Variants in CLIC6 observed in about 807,000 individuals in gnomAD.
CLIC6 encodes the protein chloride intracellular channel protein 6.
CLIC6 carries 39 observed loss-of-function variants against 49.2 expected under a neutral mutation model. The observed-to-expected ratio is 0.79, with a 90% CI of 0.61 to 1.04. CLIC6 has a LOEUF of 1.04. Ranked by LOEUF, CLIC6 falls within the 50% of genes least tolerant of loss-of-function variation. The probability of loss-of-function intolerance (pLI) is 0.00; values close to 1 mark genes in which losing one functional copy is unlikely to be tolerated. For synonymous variants in CLIC6, 446 were observed against 433.4 expected, an observed-to-expected ratio of 1.03 and a Z score of -0.36; for missense variants, 988 against 993.1, an observed-to-expected ratio of 0.99 and a Z score of 0.07.
At chr21:34,683,032 C>T (rs953816621) in intron 1 of CLIC6, among the ~76,000 whole-genome samples, 6 of 151,748 alleles carry the variant, frequency 4.0e-5, no homozygotes, top group African/African-American at 1.2e-4. Context: ...AAGATGGTCT[C>T]GATCTCCTGA....
At chr21:34,682,808 T>G (rs1008383268) in intron 1 of CLIC6, among the ~76,000 whole-genome samples, 16 of 125,164 alleles carry the variant, frequency 1.3e-4, no homozygotes, top group African/African-American at 5.3e-4. Context: ...TCCATTTTTT[T>G]TTTTTTTTTT....
chr21:34,675,962 T>C (rs1266872620), intron 1 of CLIC6, among the ~76,000 whole-genome samples: 1 of 152,228 alleles, frequency 6.6e-6, no homozygotes, highest in African/African-American at 2.4e-5. Flanking sequence ...TTGAAGCTCT[T>C]TCCTGCCATG....
At chr21:34,705,773 T>A (rs572609004) in intron 1 of CLIC6, among the ~76,000 whole-genome samples, 34 of 152,152 alleles carry the variant, frequency 2.2e-4, no homozygotes, top group African/African-American at 6.5e-4. Context: ...TATCAATGGA[T>A]CATCCAATTG....
chr21:34,670,332 C>T lies in CLIC6; in HGVS notation c.944C>T (p.Ala315Val). 6.9e-7 allele frequency: 1 copy of T among 1,448,764 alleles called. No homozygotes were observed. The highest frequency in any genetic ancestry group is 9.1e-7 in the Non-Finnish European group (1 of 1,102,210). The allele number at this position is 1,448,764 out of a possible 1,614,324, so 89.7% of individuals were successfully genotyped here. The change falls in exon 1 of 6, where the codon GCC becomes GTC. Residue 315 changes from alanine (A) to valine (V), a missense_variant. Around this residue, in one of 3 missense-constraint regions of CLIC6, gnomAD observed 647 missense variants for 596.9 expected, o/e 1.08. Transcript: ENST00000349499. ...SPQAEAIEVA[A>V]GESAGRSPGE... ...CAGGCCGAGGCAATTGAGGTCGCAG[C>T]CGGGGAGAGTGCGGGGCGCAGCCCC...
intron 2 of CLIC6, 48 bp downstream of exon 2, chr21:34,707,437 GCACACACACA>G (rs10657933): frequency 4.1e-4 from 300 of 736,396 alleles, no homozygotes; most frequent in Middle Eastern, 9.9e-4. Context: ...CTAGTTCTCT[GCACACACACA>G]CACACACACA....
At chr21:34,676,701 G>A (rs1989678099) in intron 1 of CLIC6, among the ~76,000 whole-genome samples, 1 of 152,184 alleles carries the variant, frequency 6.6e-6, no homozygotes, top group Non-Finnish European at 1.5e-5. Flanking sequence ...CTAAATAGTT[G>A]TTGATTTAAT....
intron 1 of CLIC6, among the ~76,000 whole-genome samples, chr21:34,678,988 C>A (rs1989725844): frequency 1.3e-5 from 2 of 152,146 alleles, no homozygotes; most frequent in Admixed American, 1.3e-4. Context: ...ACAAATTGTC[C>A]CAAGACCTAG....
rs1405752892 is a variant in CLIC6 at position 34,670,139 on chromosome 21, G to A, written c.751G>A (p.Glu251Lys). The change falls in exon 1 of 6, where the codon GAG becomes AAG. Residue 251 changes from glutamate to lysine, a missense_variant. Around this residue, in one of 3 missense-constraint regions of CLIC6, gnomAD observed 57 missense variants for 117.6 expected, o/e 0.48. Transcript: ENST00000349499. Reference sequence around the variant, plus strand: ...GGAGGGCCGGGTGGGGGACAGCGTAGAGGCGGGGGACCCGGCGGGGGACGG... The same window carrying A: ...GGAGGGCCGGGTGGGGGACAGCGTAAAGGCGGGGGACCCGGCGGGGGACGG... The part of the protein sequence containing the change: ...DAEGRVGDSV[E>K]AGDPAGDGVE... The A allele has an allele frequency of 2.9e-6, 4 of 1,389,604 alleles. No homozygotes were observed. The East Asian group carries it at 8.7e-5, about 30-fold the overall frequency. The allele number at this position is 1,389,604 out of a possible 1,614,324, so 86.1% of individuals were successfully genotyped here. A position where few individuals can be genotyped will look rare whatever the true frequency, so the allele number is the denominator to read the frequency against.
intron 1 of CLIC6, among the ~76,000 whole-genome samples, chr21:34,690,689 T>C (rs893383388): frequency 2.0e-5 from 3 of 152,134 alleles, no homozygotes; most frequent in Non-Finnish European, 4.4e-5. Context: ...TGAGCACAAC[T>C]GCCCCCTTTG....
intron 5 of CLIC6, among the ~76,000 whole-genome samples, chr21:34,711,139 C>G (rs777462152): frequency 2.0e-5 from 3 of 152,206 alleles, no homozygotes; most frequent in Non-Finnish European, 4.4e-5. Context: ...GGGCCAGAGC[C>G]AGGTGGTTGG....
Position 34,669,853 on chromosome 21 carries a change from G to A in CLIC6, c.465G>A (p.Glu155=), listed in dbSNP as rs1216247167. ...PEVPEGSASG[E]AGDSVDAEGP... is the part of the protein sequence containing the mutation. Reference sequence around the variant, plus strand: ...TCCCGGAAGGTAGCGCGTCCGGGGAGGCGGGGGACAGCGTAGACGCGGAGG... The same window carrying A: ...TCCCGGAAGGTAGCGCGTCCGGGGAAGCGGGGGACAGCGTAGACGCGGAGG... Residue 155 remains glutamate, a synonymous_variant, in exon 1 of 6, where the codon GAG becomes GAA. Coordinates refer to ENST00000349499, the MANE Select transcript of CLIC6 (RefSeq NM_053277.3). 1.7e-5 allele frequency: 24 copies of A among 1,411,298 alleles called. No homozygotes were observed. The East Asian group carries it at 5.9e-4, about 35-fold the overall frequency. The allele number at this position is 1,411,298 out of a possible 1,614,324, so 87.4% of individuals were successfully genotyped here.
intron 1 of CLIC6, among the ~76,000 whole-genome samples, chr21:34,687,940 T>G (rs1305459625): frequency 4.6e-5 from 7 of 152,216 alleles, no homozygotes; most frequent in African/African-American, 7.2e-5. Context: ...GCAATAAATT[T>G]TACTGATAAT....
chr21:34,691,503 G>A (rs757040152), intron 1 of CLIC6, among the ~76,000 whole-genome samples: 11 of 151,520 alleles, frequency 7.3e-5, no homozygotes, highest in Non-Finnish European at 1.0e-4. Context: ...TGTGAAACCC[G>A]AAGTTTTGGT....
chr21:34,703,312 C>T (rs1470723185), intron 1 of CLIC6, among the ~76,000 whole-genome samples: 1 of 152,038 alleles, frequency 6.6e-6, no homozygotes, highest in Non-Finnish European at 1.5e-5. Context: ...CCATGTAAGC[C>T]CACACAGAAT....
At chr21:34,673,752 CA>C (rs1369114537) in intron 1 of CLIC6, among the ~76,000 whole-genome samples, 23 of 152,102 alleles carry the variant, frequency 1.5e-4, no homozygotes, top group Admixed American at 9.8e-4. Flanking sequence ...AACAAACAAA[CA>C]AAAAAACACC....
At chr21:34,710,490 A>G (rs969315449) in intron 5 of CLIC6, among the ~76,000 whole-genome samples, 3 of 152,156 alleles carry the variant, frequency 2.0e-5, no homozygotes, top group African/African-American at 7.2e-5. Context: ...GTTAGTAGGC[A>G]TACAAACTGT....
At chr21:34,671,001 G>C (rs1989554854) in intron 1 of CLIC6, among the ~76,000 whole-genome samples, 1 of 151,612 alleles carries the variant, frequency 6.6e-6, no homozygotes, top group African/African-American at 2.4e-5. Context: ...GGGCGACGGG[G>C]AGTGCGATGG....
chr21:34,716,578 A>G lies in CLIC6; in HGVS notation c.*96A>G. 1.0e-6 allele frequency: 1 copy of G among 981,582 alleles called. No homozygotes were observed. Among genetic ancestry groups the G allele is most frequent in the Non-Finnish European group, 1.4e-6 (1 of 706,556 alleles). 60.8% of individuals were successfully genotyped at this position (981,582 alleles called of 1,614,324 possible). A position where few individuals can be genotyped will look rare whatever the true frequency, so the allele number is the denominator to read the frequency against. On this transcript the variant is annotated 3_prime_UTR_variant, in exon 6 of 6. Coordinates refer to ENST00000349499, the MANE Select transcript of CLIC6 (RefSeq NM_053277.3). ...AATTAGGTTTGGGTTCAATTCCTTCAATTTTTAAAAAACTGGTCTCTGAGA... is the reference window on the plus strand; with the variant it reads ...AATTAGGTTTGGGTTCAATTCCTTCGATTTTTAAAAAACTGGTCTCTGAGA...
At position 34,670,429 on chromosome 21, in the gene CLIC6, C is replaced by T. The variant is rs1419272241; in HGVS notation, c.1041C>T (p.Pro347=). ...TAAAGGGGTCCGAAGAAGCGGCCCC[C>T]GGGGACGCAAGGGCAGACGCTGGCG... is the stretch of plus-strand genomic sequence containing the variant. ...PGVKGSEEAA[P]GDARADAGED... is the part of the protein sequence containing the mutation. Residue 347 remains proline, a synonymous_variant, in exon 1 of 6, where the codon CCC becomes CCT. Coordinates refer to ENST00000349499, the MANE Select transcript of CLIC6 (RefSeq NM_053277.3). The T allele has an allele frequency of 2.7e-6, 4 of 1,461,502 alleles. No individual in the cohort carries two copies. Among genetic ancestry groups the T allele is most frequent in the South Asian group, 2.9e-5 (2 of 69,956 alleles). 90.5% of individuals were successfully genotyped at this position (1,461,502 alleles called of 1,614,324 possible). A position where few individuals can be genotyped will look rare whatever the true frequency, so the allele number is the denominator to read the frequency against.
Sources: allele counts gnomAD v4.1 joint callset (sites outside exome capture counted in the v4.1 genomes callset), GRCh38; gene constraint gnomAD v4.1.1; regional missense constraint gnomAD v4.1.1; transcripts MANE v1.5; gene names NCBI Gene and HGNC (gene_info 2026-07-23, HGNC 2026-07-21).